TMEM178B: variants seen among roughly 807,000 people sequenced by gnomAD.
TMEM178B encodes transmembrane protein 178B.
Under a neutral mutation model 31.0 loss-of-function variants are expected in TMEM178B, and 5 were observed. The observed-to-expected ratio is 0.16, with a 90% confidence interval of 0.08 to 0.34. The LOEUF (loss-of-function observed/expected upper bound fraction) is 0.34, where lower values mean the gene tolerates loss of function less well. Ranked by LOEUF, TMEM178B falls within the 10% of genes least tolerant of loss-of-function variation. The pLI, the probability that TMEM178B is intolerant of heterozygous loss-of-function variation, is 1.00. For missense variants in TMEM178B, 275 were observed against 400.3 expected, an observed-to-expected ratio of 0.69 and a Z score of 2.67; for synonymous variants, 164 against 164.0, an observed-to-expected ratio of 1.00 and a Z score of 0.00.
chr7:141,248,811 A>C (rs778743335), intron 2 of TMEM178B, among the ~76,000 whole-genome samples: 107 of 152,358 alleles, frequency 7.0e-4, no homozygotes, highest in Middle Eastern at 3.4e-3. Flanking sequence ...CTTCATAAGC[A>C]CGATACACTT....
In TMEM178B at chr7:141,180,607, A is replaced by G. The variant is rs754107894; in HGVS notation, c.383-31984A>G. Among the ~76,000 whole-genome samples the G allele has an allele frequency of 4.6e-4, 70 of 152,304 alleles. 1 individual carries two copies. The highest frequency in any genetic ancestry group is 3.4e-3 in the Middle Eastern group (1 of 294). On this transcript the variant is annotated intron_variant, in intron 1 of 3. Coordinates refer to ENST00000565468, the MANE Select transcript of TMEM178B (RefSeq NM_001195278.2). ...CTTCCTTTAGTCACTTCATGGGAAC[A>G]AAATTAATGTTTCACTTGTAGACTT...
chr7:141,498,449 T>TCTAA, the TMEM178B span, among the ~76,000 whole-genome samples: 1 of 152,244 alleles, frequency 6.6e-6, no homozygotes, highest in Admixed American at 6.5e-5. Context: ...CTTGGCATCT[T>TCTAA]GTGACAACTA....
intron 1 of TMEM178B, among the ~76,000 whole-genome samples, chr7:141,079,067 A>G (rs919184596): frequency 2.0e-5 from 3 of 152,198 alleles, no homozygotes; most frequent in Non-Finnish European, 4.4e-5. Flanking sequence ...CAGGTGAATC[A>G]CTTGAGTTCA....
chr7:141,362,837 C>T (rs528266794), intron 2 of TMEM178B, among the ~76,000 whole-genome samples: 21 of 152,332 alleles, frequency 1.4e-4, no homozygotes, highest in Admixed American at 4.6e-4. Context: ...CGGGCTGTAG[C>T]CATTTCTCCT....
rs540570916 is a variant in TMEM178B, at chr7:141,320,904, C to T, written c.496+108200C>T. ...TCTTAAGCTCCAGGCTGTGGCACCC[C>T]ATCTTGTGAACTGCCTGGAGAAGGA... On this transcript the variant is annotated intron_variant, in intron 2 of 3. Coordinates refer to ENST00000565468, the MANE Select transcript of TMEM178B (RefSeq NM_001195278.2). 7.9e-5 allele frequency among the ~76,000 whole-genome samples: 12 copies of T among 152,266 alleles called. No homozygotes were observed. The South Asian group carries it at 2.5e-3, about 32-fold the overall frequency.
rs569110691 is a variant in TMEM178B at position 141,438,568 on chromosome 7, G to A, written c.634+823G>A. 5.3e-5 allele frequency among the ~76,000 whole-genome samples: 8 copies of A among 151,560 alleles called. No homozygotes were observed. In the East Asian group the frequency reaches 1.6e-3, roughly 30 times the overall value. ...CTCAGTAGAGGGGGATTGGGGCCTG[G>A]ACAGAGGGAATTAGAAATATTGTGG... On this transcript the variant is annotated intron_variant, in intron 3 of 3. Coordinates refer to ENST00000565468, the MANE Select transcript of TMEM178B (RefSeq NM_001195278.2).
At chr7:141,358,275 C>T (rs1799856046) in intron 2 of TMEM178B, among the ~76,000 whole-genome samples, 1 of 152,066 alleles carries the variant, frequency 6.6e-6, no homozygotes, top group South Asian at 2.1e-4. Context: ...AAATGCATTG[C>T]CTTGCTATTT....
At chr7:141,158,680 A>T (rs953478397) in intron 1 of TMEM178B, among the ~76,000 whole-genome samples, 5 of 152,138 alleles carry the variant, frequency 3.3e-5, no homozygotes, top group Non-Finnish European at 7.4e-5. Context: ...CCAGCTGGGG[A>T]TGCCTAGATC....
At chr7:141,321,827 A>AG (rs1563150918) in intron 2 of TMEM178B, among the ~76,000 whole-genome samples, 1 of 144,748 alleles carries the variant, frequency 6.9e-6, no homozygotes, top group African/African-American at 2.5e-5. Context: ...GTCCAACATT[A>AG]AAAAAAAAAA....
At chr7:141,204,504 G>A (rs772493558) in intron 1 of TMEM178B, among the ~76,000 whole-genome samples, 5 of 152,184 alleles carry the variant, frequency 3.3e-5, no homozygotes, top group Admixed American at 1.3e-4. Context: ...AGCCGGAATC[G>A]GAGGTGAACG....
chr7:141,387,614 G>C (rs1800456763), intron 2 of TMEM178B, among the ~76,000 whole-genome samples: 1 of 152,094 alleles, frequency 6.6e-6, no homozygotes, highest in Non-Finnish European at 1.5e-5. Context: ...TCATAGCGAG[G>C]AGCTATATTT....
At chr7:141,133,618 T>C (rs1795629870) in intron 1 of TMEM178B, among the ~76,000 whole-genome samples, 1 of 152,174 alleles carries the variant, frequency 6.6e-6, no homozygotes, top group African/African-American at 2.4e-5. Flanking sequence ...AATATTTGAA[T>C]TTTGAAAGTT....
intron 2 of TMEM178B, among the ~76,000 whole-genome samples, chr7:141,246,357 T>G (rs1270900319): frequency 6.6e-6 from 1 of 152,248 alleles, no homozygotes; most frequent in African/African-American, 2.4e-5. Context: ...AATCTTTTCA[T>G]TCATGATTTC....
intron 1 of TMEM178B, among the ~76,000 whole-genome samples, chr7:141,169,788 G>C (rs1796319216): frequency 1.3e-5 from 2 of 152,188 alleles, no homozygotes; most frequent in Non-Finnish European, 2.9e-5. Context: ...TTGATTTTCA[G>C]ACTTTTATAT....
chr7:141,423,601 G>A (rs1460025550), intron 2 of TMEM178B, among the ~76,000 whole-genome samples: 1 of 152,126 alleles, frequency 6.6e-6, no homozygotes, highest in Non-Finnish European at 1.5e-5. Flanking sequence ...AGAACTAAGA[G>A]TTTGTGACAT....
chr7:141,376,954 A>T (rs1477620404), intron 2 of TMEM178B, among the ~76,000 whole-genome samples: 1 of 152,202 alleles, frequency 6.6e-6, no homozygotes, highest in Non-Finnish European at 1.5e-5. Context: ...ACTGGAAAAA[A>T]TTGCTGTAGG....
At chr7:141,375,802 A>G (rs1482750888) in intron 2 of TMEM178B, among the ~76,000 whole-genome samples, 1 of 152,214 alleles carries the variant, frequency 6.6e-6, no homozygotes, top group Non-Finnish European at 1.5e-5. Flanking sequence ...GCTCACTTAC[A>G]AGGGGAGATC....
At chr7:141,388,208 G>C (rs749250732) in intron 2 of TMEM178B, among the ~76,000 whole-genome samples, 6 of 152,142 alleles carry the variant, frequency 3.9e-5, no homozygotes, top group Non-Finnish European at 7.3e-5. Context: ...TGTGTCTTTG[G>C]CTCCTCCAGA....
At chr7:141,109,906 A>C (rs1586773946) in intron 1 of TMEM178B, among the ~76,000 whole-genome samples, 1 of 151,492 alleles carries the variant, frequency 6.6e-6, no homozygotes, top group South Asian at 2.1e-4. Context: ...GTGCCATGGC[A>C]CTCCAGCCTG....
Sources: gnomAD v4.1 joint callset for allele counts (sites outside exome capture counted in the v4.1 genomes callset) on GRCh38, gnomAD v4.1.1 for gene constraint, MANE v1.5 for transcripts, NCBI Gene and HGNC (gene_info 2026-07-23, HGNC 2026-07-21) for gene names.